The following ANKS1B variants were observed in gnomAD, a reference collection of about 807,000 sequenced individuals.
The protein encoded by ANKS1B is ankyrin repeat and sterile alpha motif domain-containing protein 1B.
Under a neutral mutation model 148.3 loss-of-function variants are expected in ANKS1B, and 36 were observed. The ratio of observed to expected loss-of-function variants is 0.24; its 90% CI spans 0.19 to 0.32. ANKS1B has a LOEUF of 0.32. ANKS1B is among the 10% of genes least tolerant of loss of function. ANKS1B has a pLI of 1.00. For synonymous variants in ANKS1B, 542 were observed against 560.8 expected (o/e 0.97, Z 0.47); for missense variants, 1,157 against 1,542.6 (o/e 0.75, Z 4.19).
chr12:99,868,400 G>C (rs2091033655), intron 1 of ANKS1B, among the ~76,000 whole-genome samples: 1 of 152,070 alleles, frequency 6.6e-6, no homozygotes, highest in Non-Finnish European at 1.5e-5. Flanking sequence ...AATAATAAAA[G>C]TTTTCTTCTT....
intron 17 of ANKS1B, among the ~76,000 whole-genome samples, chr12:98,879,656 C>T (rs2099701469): frequency 6.6e-6 from 1 of 151,980 alleles, no homozygotes; most frequent in African/African-American, 2.4e-5. Context: ...TTTGAGAAAC[C>T]TTCGTTGAAA....
intron 9 of ANKS1B, among the ~76,000 whole-genome samples, chr12:99,510,541 G>A (rs972879564): frequency 2.0e-5 from 3 of 152,008 alleles, no homozygotes; most frequent in Non-Finnish European, 4.4e-5. Context: ...ATATAGGACT[G>A]AATTGCTGTA....
At chr12:98,940,763 T>C (rs2099835464) in intron 17 of ANKS1B, among the ~76,000 whole-genome samples, 1 of 152,172 alleles carries the variant, frequency 6.6e-6, no homozygotes. Context: ...AGAACATATG[T>C]ATAAGAATGT....
intron 12 of ANKS1B, among the ~76,000 whole-genome samples, chr12:99,329,444 A>T (rs2087074534): frequency 6.6e-6 from 1 of 151,874 alleles, no homozygotes; most frequent in South Asian, 2.1e-4. Flanking sequence ...GATCCTTGAG[A>T]TATATTCCTT....
chr12:99,530,470 C>T (rs987977359), intron 9 of ANKS1B, among the ~76,000 whole-genome samples: 2 of 152,158 alleles, frequency 1.3e-5, no homozygotes, highest in Admixed American at 1.3e-4. Context: ...AGCCCAGTCA[C>T]ACTTATCCAT....
chr12:99,157,526 A>C (rs553672840), intron 14 of ANKS1B, among the ~76,000 whole-genome samples: 1 of 152,346 alleles, frequency 6.6e-6, no homozygotes, highest in Non-Finnish European at 1.5e-5. Context: ...AAATGAATAA[A>C]TGATATTGGA....
chr12:98,991,550 G>A (rs1000692817), intron 17 of ANKS1B, among the ~76,000 whole-genome samples: 6 of 152,080 alleles, frequency 3.9e-5, no homozygotes, highest in African/African-American at 1.2e-4. Flanking sequence ...TCTTGCAAAC[G>A]ACCTGAACAT....
intron 16 of ANKS1B, among the ~76,000 whole-genome samples, chr12:99,058,774 G>A (rs1281482558): frequency 8.7e-6 from 1 of 115,532 alleles, no homozygotes; most frequent in Non-Finnish European, 1.7e-5. Context: ...GTCTCGCTCT[G>A]TCGCCCAGGC....
intron 11 of ANKS1B, among the ~76,000 whole-genome samples, chr12:99,424,605 C>T (rs955821161): frequency 1.1e-4 from 17 of 149,836 alleles, no homozygotes; most frequent in Admixed American, 7.3e-4. Context: ...ATTTTTTCCT[C>T]CTGTACAGGT....
At chr12:98,951,030 C>A (rs1041596459) in intron 17 of ANKS1B, among the ~76,000 whole-genome samples, 11 of 152,090 alleles carry the variant, frequency 7.2e-5, no homozygotes, top group Non-Finnish European at 7.4e-5. Context: ...CCCAGGGGAT[C>A]TACAACCCCC....
chr12:98,741,972 G>T (rs1185960410), downstream of ANKS1B, among the ~76,000 whole-genome samples: 2 of 152,146 alleles, frequency 1.3e-5, no homozygotes, highest in Non-Finnish European at 2.9e-5. Context: ...ATTAAATTGG[G>T]TATTGAATAT....
downstream of ANKS1B, among the ~76,000 whole-genome samples, chr12:98,742,973 C>T (rs745707702): frequency 4.6e-5 from 7 of 152,098 alleles, no homozygotes; most frequent in Non-Finnish European, 1.0e-4. Context: ...GATCGACTAG[C>T]CTATCTAAAA....
intron 24 of ANKS1B, among the ~76,000 whole-genome samples, chr12:98,778,930 C>T (rs1167049948): frequency 6.6e-6 from 1 of 152,222 alleles, no homozygotes; most frequent in Non-Finnish European, 1.5e-5. Context: ...CCTTGCAGGT[C>T]ACTGGGATGT....
intron 17 of ANKS1B, among the ~76,000 whole-genome samples, chr12:98,921,839 T>C (rs999219220): frequency 6.6e-6 from 1 of 152,198 alleles, no homozygotes; most frequent in Non-Finnish European, 1.5e-5. Flanking sequence ...TAGCATAGAA[T>C]TGTCCTTCCA....
intron 9 of ANKS1B, among the ~76,000 whole-genome samples, chr12:99,611,345 GCCAGGCATTTAA>G (rs2097900893): frequency 6.6e-6 from 1 of 152,112 alleles, no homozygotes; most frequent in East Asian, 1.9e-4. Context: ...TTCTTTACAT[GCCAGGCATTTAA>G]CCTAATCATC....
chr12:99,204,330 C>G (rs2082387563), intron 14 of ANKS1B, among the ~76,000 whole-genome samples: 1 of 152,204 alleles, frequency 6.6e-6, no homozygotes, highest in African/African-American at 2.4e-5. Flanking sequence ...AAACCGTTCT[C>G]TTGCTTCTAT....
chr12:99,396,964 A>G (rs1490872288), intron 12 of ANKS1B, among the ~76,000 whole-genome samples: 1 of 152,122 alleles, frequency 6.6e-6, no homozygotes, highest in Non-Finnish European at 1.5e-5. Flanking sequence ...CTAGTCATTC[A>G]AATAAATATT....
intron 9 of ANKS1B, chr12:99,649,166 C>T: frequency 1.3e-6 from 1 of 782,628 alleles, no homozygotes; most frequent in Non-Finnish European, 2.2e-6. Flanking sequence ...CACTTATATA[C>T]ATTGGTGGCA....
intron 1 of ANKS1B, among the ~76,000 whole-genome samples, chr12:99,834,269 T>C (rs1255754649): frequency 2.0e-5 from 3 of 152,166 alleles, no homozygotes; most frequent in Non-Finnish European, 4.4e-5. Flanking sequence ...AAGAAATGTC[T>C]TGAAAAAGTA....
Sources: allele counts gnomAD v4.1 joint callset (sites outside exome capture counted in the v4.1 genomes callset), GRCh38; gene constraint gnomAD v4.1.1; transcripts MANE v1.5; gene names NCBI Gene and HGNC (gene_info 2026-07-23, HGNC 2026-07-21).